GABBR2: variants seen among roughly 807,000 people sequenced by gnomAD.
GABBR2 encodes gamma-aminobutyric acid type B receptor subunit 2.
GABBR2 carries 23 observed loss-of-function variants against 105.6 expected under a neutral mutation model. That is an observed-to-expected ratio of 0.22 (90% confidence interval 0.16 to 0.31). The LOEUF (loss-of-function observed/expected upper bound fraction) is 0.31, where lower values mean the gene tolerates loss of function less well. GABBR2 is among the 10% of genes least tolerant of loss of function. GABBR2 has a pLI of 1.00. For missense variants in GABBR2, 734 were observed against 1,245.5 expected (o/e 0.59, Z 6.18); for synonymous variants, 478 against 499.7 (o/e 0.96, Z 0.58).
chr9:98,689,601 C>G (rs1231647995), intron 1 of GABBR2, among the ~76,000 whole-genome samples: 2 of 152,198 alleles, frequency 1.3e-5, no homozygotes, highest in Non-Finnish European at 1.5e-5. Flanking sequence ...ACAAGAGGAG[C>G]TGGACTGCAG....
chr9:98,650,564 AAAAAG>A (rs1830090482), intron 1 of GABBR2, among the ~76,000 whole-genome samples: 1 of 152,220 alleles, frequency 6.6e-6, no homozygotes, highest in Admixed American at 6.5e-5. Flanking sequence ...CCAACGGAAA[AAAAAG>A]AAAAGGAGGA....
intron 2 of GABBR2, among the ~76,000 whole-genome samples, chr9:98,573,739 C>A (rs1167383748): frequency 1.3e-5 from 2 of 152,276 alleles, no homozygotes; most frequent in African/African-American, 2.4e-5. Context: ...TGTTTCTCAA[C>A]CTTCGTTTCA....
chr9:98,702,334 C>T (rs1830840791), intron 1 of GABBR2, among the ~76,000 whole-genome samples: 1 of 152,060 alleles, frequency 6.6e-6, no homozygotes, highest in South Asian at 2.1e-4. Flanking sequence ...TGTCGGGTCT[C>T]AGTGCTGCCC....
intron 5 of GABBR2, among the ~76,000 whole-genome samples, chr9:98,480,210 TG>T (rs1207699969): frequency 2.6e-5 from 4 of 152,254 alleles, no homozygotes; most frequent in African/African-American, 9.6e-5. Context: ...CCTGACATGA[TG>T]GGGAGGATTG....
At chr9:98,668,233 C>T (rs1014259956) in intron 1 of GABBR2, among the ~76,000 whole-genome samples, 3 of 48,318 alleles carry the variant, frequency 6.2e-5, no homozygotes, top group African/African-American at 3.2e-4. Context: ...AGTCTTTTTC[C>T]TGGGATCCCA....
chr9:98,356,929 T>C (rs1831495172), intron 13 of GABBR2, among the ~76,000 whole-genome samples: 1 of 152,254 alleles, frequency 6.6e-6, no homozygotes, highest in Non-Finnish European at 1.5e-5. Context: ...TAAATGCATA[T>C]TACTAAATGA....
intron 16 of GABBR2, 89 bp from the exon 17 acceptor site, chr9:98,299,442 G>A (rs1830434110): frequency 7.0e-7 from 1 of 1,430,798 alleles, no homozygotes; most frequent in Non-Finnish European, 9.7e-7. Flanking sequence ...CACAGGGCTG[G>A]GCCTTTACCT....
chr9:98,353,447 A>G (rs149135602), intron 13 of GABBR2, among the ~76,000 whole-genome samples: 7 of 152,230 alleles, frequency 4.6e-5, no homozygotes, highest in African/African-American at 1.4e-4. Context: ...CCTCCCACGA[A>G]TCTCAGATGT....
chr9:98,693,403 A>T (rs1461716064), intron 1 of GABBR2, among the ~76,000 whole-genome samples: 1 of 152,126 alleles, frequency 6.6e-6, no homozygotes, highest in African/African-American at 2.4e-5. Context: ...TATCAGCTAT[A>T]TCTCTAAACT....
chr9:98,307,737 G>A (rs1020848625), intron 14 of GABBR2, among the ~76,000 whole-genome samples: 8 of 152,064 alleles, frequency 5.3e-5, no homozygotes, highest in African/African-American at 1.7e-4. Flanking sequence ...TATGTCACAG[G>A]GTTTGTGTGT....
At chr9:98,395,817 G>C (rs1832277820) in intron 8 of GABBR2, among the ~76,000 whole-genome samples, 1 of 152,070 alleles carries the variant, frequency 6.6e-6, no homozygotes, top group Admixed American at 6.5e-5. Context: ...GAGTTTGAGG[G>C]CAGGGATAGG....
chr9:98,617,991 G>A (rs962171294), intron 1 of GABBR2, among the ~76,000 whole-genome samples: 2 of 152,192 alleles, frequency 1.3e-5, no homozygotes, highest in African/African-American at 4.8e-5. Context: ...GCTTCTCTGT[G>A]AGGATAAAAA....
intron 11 of GABBR2, among the ~76,000 whole-genome samples, chr9:98,377,232 G>A (rs1452443594): frequency 6.6e-6 from 1 of 151,120 alleles, no homozygotes; most frequent in African/African-American, 2.4e-5. Context: ...GCAGGAGGGG[G>A]TGGGGTGTGG....
chr9:98,483,135 TTCCTCC>T (rs148152022), intron 4 of GABBR2, among the ~76,000 whole-genome samples: 145 of 152,276 alleles, frequency 9.5e-4, no homozygotes, highest in African/African-American at 3.3e-3. Flanking sequence ...AAGAGGCCCT[TTCCTCC>T]TCCTGTGTTT....
intron 13 of GABBR2, among the ~76,000 whole-genome samples, chr9:98,335,953 C>T (rs1482229633): frequency 1.3e-5 from 2 of 152,152 alleles, no homozygotes; most frequent in African/African-American, 2.4e-5. Context: ...GGAGAAAGAG[C>T]TCTGAGTAAG....
At chr9:98,302,572 G>C (rs1353231453) in intron 16 of GABBR2, among the ~76,000 whole-genome samples, 1 of 152,120 alleles carries the variant, frequency 6.6e-6, no homozygotes, top group Non-Finnish European at 1.5e-5. Context: ...TCCCTTTCCT[G>C]TCCCCCTCCC....
intron 1 of GABBR2, among the ~76,000 whole-genome samples, chr9:98,651,120 CACACACAT>C (rs1025052079): frequency 6.7e-6 from 1 of 149,520 alleles, no homozygotes; most frequent in Non-Finnish European, 1.5e-5. Context: ...CACACCCACA[CACACACAT>C]ACACACACTG....
chr9:98,326,915 A>C (rs1464760057), intron 13 of GABBR2, among the ~76,000 whole-genome samples: 1 of 152,230 alleles, frequency 6.6e-6, no homozygotes, highest in Non-Finnish European at 1.5e-5. Flanking sequence ...AGAGCAGTAA[A>C]GCCTACTTGC....
chr9:98,645,221 G>A (rs1830015246), intron 1 of GABBR2, among the ~76,000 whole-genome samples: 1 of 152,204 alleles, frequency 6.6e-6, no homozygotes, highest in South Asian at 2.1e-4. Context: ...GCAAAGTGCA[G>A]CCCAAGGTGC....
Sources: allele counts gnomAD v4.1 joint callset (sites outside exome capture counted in the v4.1 genomes callset), GRCh38; gene constraint gnomAD v4.1.1; transcripts MANE v1.5; gene names NCBI Gene and HGNC (gene_info 2026-07-23, HGNC 2026-07-21).